KCNK5: variants seen among roughly 807,000 people sequenced by gnomAD.
KCNK5 encodes the protein potassium two pore domain channel subfamily K member 5.
KCNK5 carries 18 observed loss-of-function variants against 32.9 expected under a neutral mutation model. That is an observed-to-expected ratio of 0.55 (90% CI 0.38 to 0.81). The LOEUF (loss-of-function observed/expected upper bound fraction) is 0.81, where lower values mean the gene tolerates loss of function less well. Ranked by LOEUF, KCNK5 falls within the 30% of genes least tolerant of loss-of-function variation. The pLI, the probability that KCNK5 is intolerant of heterozygous loss-of-function variation, is 0.00. For synonymous variants in KCNK5, 276 were observed against 275.3 expected (o/e 1.00, Z -0.03); for missense variants, 507 against 651.0 (o/e 0.78, Z 2.41).
intron 1 of KCNK5, among the ~76,000 whole-genome samples, chr6:39,213,985 C>T (rs1413614774): frequency 6.6e-6 from 1 of 151,836 alleles, no homozygotes; most frequent in Non-Finnish European, 1.5e-5. Flanking sequence ...GAGATCGCAC[C>T]ACTGCACTCC....
intron 1 of KCNK5, among the ~76,000 whole-genome samples, chr6:39,206,031 A>AG (rs1194997658): frequency 2.0e-5 from 3 of 152,236 alleles, no homozygotes; most frequent in African/African-American, 7.2e-5. Flanking sequence ...AAGACCCTGA[A>AG]GGGAAACCAG....
intron 1 of KCNK5, among the ~76,000 whole-genome samples, chr6:39,197,233 C>T (rs746963617): frequency 6.6e-6 from 1 of 152,194 alleles, no homozygotes; most frequent in Non-Finnish European, 1.5e-5. Context: ...CTAACCTACC[C>T]AGAGCATGAC....
intron 1 of KCNK5, among the ~76,000 whole-genome samples, chr6:39,221,676 G>A (rs1319502548): frequency 6.6e-6 from 1 of 152,164 alleles, no homozygotes; most frequent in Non-Finnish European, 1.5e-5. Flanking sequence ...ACATCAATCT[G>A]GTAGCAGCTC....
At chr6:39,223,198 C>A (rs1173882576) in intron 1 of KCNK5, among the ~76,000 whole-genome samples, 1 of 152,156 alleles carries the variant, frequency 6.6e-6, no homozygotes, top group Non-Finnish European at 1.5e-5. Flanking sequence ...ACTTAGTGAG[C>A]ATTTACGATG....
At chr6:39,208,244 G>T (rs1020470787) in intron 1 of KCNK5, among the ~76,000 whole-genome samples, 1 of 152,126 alleles carries the variant, frequency 6.6e-6, no homozygotes, top group Non-Finnish European at 1.5e-5. Flanking sequence ...AGCCTATGAG[G>T]AACCAGGATG....
intron 1 of KCNK5, among the ~76,000 whole-genome samples, chr6:39,225,916 T>C (rs1444414232): frequency 6.6e-6 from 1 of 152,200 alleles, no homozygotes; most frequent in Non-Finnish European, 1.5e-5. Flanking sequence ...AAAGAGTACC[T>C]GAAATAAGGC....
Position 39,199,848 on chromosome 6 carries a change from G to A in KCNK5, c.187-3861C>T, listed in dbSNP as rs1371640268. Among the ~76,000 whole-genome samples the A allele has an allele frequency of 7.2e-5, 11 of 152,178 alleles. No homozygotes were observed. The East Asian group carries it at 1.3e-3, about 19-fold the overall frequency. On this transcript the variant is annotated intron_variant, in intron 1 of 4. Coordinates refer to ENST00000359534, the MANE Select transcript of KCNK5 (RefSeq NM_003740.4). ...ACCCCTCGCCGGGGCTTTTACACAC[G>A]TTACCTAACTGGCTCTTCCTGTCAT...
At chr6:39,208,888 G>A (rs1164021063) in intron 1 of KCNK5, among the ~76,000 whole-genome samples, 1 of 152,190 alleles carries the variant, frequency 6.6e-6, no homozygotes, top group Non-Finnish European at 1.5e-5. Context: ...TCAGGAGTTT[G>A]AGACCAGCCT....
chr6:39,222,222 C>A (rs1771565307), intron 1 of KCNK5, among the ~76,000 whole-genome samples: 1 of 152,176 alleles, frequency 6.6e-6, no homozygotes, highest in African/African-American at 2.4e-5. Context: ...GGGACCCAGA[C>A]CTGGACCTAA....
intron 1 of KCNK5, among the ~76,000 whole-genome samples, chr6:39,218,559 C>G (rs535943005): frequency 6.6e-6 from 1 of 152,116 alleles, no homozygotes; most frequent in Non-Finnish European, 1.5e-5. Flanking sequence ...GGCTGCCAGA[C>G]CTCCCAGAGT....
intron 1 of KCNK5, 80 bp from the exon 2 acceptor site, chr6:39,196,067 G>T: frequency 2.2e-6 from 2 of 913,454 alleles, no homozygotes; most frequent in African/African-American, 1.7e-5. Flanking sequence ...TAAACTCCTT[G>T]TAAGCATTTT....
chr6:39,194,695 C>T lies in KCNK5; in HGVS notation c.364G>A (p.Gly122Arg), dbSNP rs1203423654. The T allele has an allele frequency of 2.5e-6, 4 of 1,614,034 alleles. No individual in the cohort carries two copies. Among genetic ancestry groups the T allele is most frequent in the East Asian group, 2.2e-5 (1 of 44,856 alleles). Residue 122 changes from glycine (G) to arginine (R), a missense_variant, in exon 3 of 5, where the codon GGG becomes AGG. This residue lies in a region of KCNK5 where 143 missense variants were observed against 219.1 expected (regional missense o/e 0.65). Transcript: ENST00000359534. The surrounding 1 kb of genome is among the most constrained non-coding windows in gnomAD (Gnocchi z 4.7). ...ATCCACGTCAGGCAGAGCGGCACCCCGAAGAGACCATAGAAAACACAGAAG... is the reference window on the plus strand; with the variant it reads ...ATCCACGTCAGGCAGAGCGGCACCCTGAAGAGACCATAGAAAACACAGAAG... ...RLFCVFYGLF[G>R]VPLCLTWISA...
chr6:39,204,137 T>C (rs1404674169), intron 1 of KCNK5, among the ~76,000 whole-genome samples: 1 of 152,266 alleles, frequency 6.6e-6, no homozygotes, highest in Non-Finnish European at 1.5e-5. Flanking sequence ...GCTGGGCTGT[T>C]GCAAAGCGGA....
At chr6:39,212,913 G>A (rs555620668) in intron 1 of KCNK5, among the ~76,000 whole-genome samples, 4 of 152,306 alleles carry the variant, frequency 2.6e-5, no homozygotes, top group South Asian at 2.1e-4. Flanking sequence ...AGACAAGAAC[G>A]AACTAGGCTC....
At chr6:39,203,978 C>T (rs1220593483) in intron 1 of KCNK5, among the ~76,000 whole-genome samples, 3 of 152,160 alleles carry the variant, frequency 2.0e-5, no homozygotes, top group African/African-American at 4.8e-5. Context: ...CTGTAGTTTA[C>T]GAGCAAGGTA....
chr6:39,222,884 G>C (rs535715918), intron 1 of KCNK5, among the ~76,000 whole-genome samples: 1 of 152,342 alleles, frequency 6.6e-6, no homozygotes, highest in Admixed American at 6.5e-5. Flanking sequence ...GCTGGGTAGA[G>C]AGGGAGAAGA....
intron 1 of KCNK5, among the ~76,000 whole-genome samples, chr6:39,201,568 T>C (rs1195887900): frequency 1.3e-5 from 2 of 152,148 alleles, no homozygotes; most frequent in Non-Finnish European, 2.9e-5. Flanking sequence ...CTTAATTCAC[T>C]GTGTCAAAGC....
chr6:39,200,053 C>A (rs1334397712), intron 1 of KCNK5, among the ~76,000 whole-genome samples: 1 of 152,140 alleles, frequency 6.6e-6, no homozygotes, highest in African/African-American at 2.4e-5. Context: ...AACAGAAAAG[C>A]TGACCCAGGA....
chr6:39,215,352 GAGA>G (rs1771413159), intron 1 of KCNK5, among the ~76,000 whole-genome samples: 1 of 152,212 alleles, frequency 6.6e-6, no homozygotes, highest in Admixed American at 6.5e-5. Context: ...ATGCTGAGAA[GAGA>G]AGGGCACCCT....
Sources: gnomAD v4.1 joint callset for allele counts (sites outside exome capture counted in the v4.1 genomes callset) on GRCh38, gnomAD v4.1.1 for gene constraint, gnomAD v4.1.1 regional missense constraint, Gnocchi (gnomAD v3.1) non-coding constraint, MANE v1.5 for transcripts, NCBI Gene and HGNC (gene_info 2026-07-23, HGNC 2026-07-21) for gene names.